The following ARB2A variants were observed in gnomAD, a reference collection of about 807,000 sequenced individuals.
ARB2A encodes the protein ARB2 cotranscriptional regulator A.
chr5:94,066,155 C>G, the ARB2A span, among the ~76,000 whole-genome samples: 1 of 151,692 alleles, frequency 6.6e-6, no homozygotes, highest in Non-Finnish European at 1.5e-5. Flanking sequence ...AAATGAAAAC[C>G]AAACACGACA....
chr5:93,986,440 TG>T, the ARB2A span, among the ~76,000 whole-genome samples: 4 of 126,612 alleles, frequency 3.2e-5, no homozygotes, highest in East Asian at 2.5e-4. Context: ...ATCTGGGGGG[TG>T]GGGGGGCCCC....
the ARB2A span, among the ~76,000 whole-genome samples, chr5:94,033,182 C>T: frequency 6.6e-6 from 1 of 152,182 alleles, no homozygotes; most frequent in Non-Finnish European, 1.5e-5. Flanking sequence ...CCTTCCTTTA[C>T]AAATTACCCA....
chr5:93,715,309 A>G, the ARB2A span, among the ~76,000 whole-genome samples: 2 of 152,198 alleles, frequency 1.3e-5, no homozygotes, highest in African/African-American at 4.8e-5. Flanking sequence ...AAGCACCTTT[A>G]AGACTCTTTA....
At chr5:93,904,298 T>C in the ARB2A span, among the ~76,000 whole-genome samples, 1 of 151,920 alleles carries the variant, frequency 6.6e-6, no homozygotes, top group African/African-American at 2.4e-5. Flanking sequence ...CAGCTGACTA[T>C]ACCTGATATC....
At chr5:93,807,597 A>G in the ARB2A span, among the ~76,000 whole-genome samples, 1 of 151,976 alleles carries the variant, frequency 6.6e-6, no homozygotes, top group Non-Finnish European at 1.5e-5. Flanking sequence ...AGTAAAGACA[A>G]GTGGTAACCT....
chr5:94,013,366 C>T, the ARB2A span, among the ~76,000 whole-genome samples: 172 of 151,958 alleles, frequency 1.1e-3, no homozygotes, highest in African/African-American at 3.9e-3. Flanking sequence ...TTAGTAGAGA[C>T]GGAGTTTCAC....
the ARB2A span, among the ~76,000 whole-genome samples, chr5:94,060,719 C>G: frequency 6.6e-6 from 1 of 152,006 alleles, no homozygotes; most frequent in Non-Finnish European, 1.5e-5. Context: ...AAAAGAACAC[C>G]CCAGTTCAAT....
At chr5:93,685,206 C>T in the ARB2A span, among the ~76,000 whole-genome samples, 752 of 152,268 alleles carry the variant, frequency 4.9e-3, 6 homozygotes, top group African/African-American at 0.017. Flanking sequence ...TTGAGCTTCA[C>T]TCTGCAAAGA....
chr5:93,660,414 G>A, the ARB2A span, among the ~76,000 whole-genome samples: 7 of 152,058 alleles, frequency 4.6e-5, no homozygotes, highest in African/African-American at 1.7e-4. Flanking sequence ...TAGTGGGGAC[G>A]TCTTTATGAA....
At chr5:94,056,994 G>A in the ARB2A span, among the ~76,000 whole-genome samples, 4 of 152,148 alleles carry the variant, frequency 2.6e-5, no homozygotes, top group South Asian at 2.1e-4. Flanking sequence ...GAGCAACAAC[G>A]CTGAGTAAAG....
the ARB2A span, among the ~76,000 whole-genome samples, chr5:94,081,600 C>A: frequency 5.9e-4 from 90 of 152,076 alleles, no homozygotes; most frequent in African/African-American, 2.1e-3. Flanking sequence ...CCAAAAAAAA[C>A]CACACATATT....
At chr5:94,034,281 T>G in the ARB2A span, among the ~76,000 whole-genome samples, 1 of 152,230 alleles carries the variant, frequency 6.6e-6, no homozygotes, top group Non-Finnish European at 1.5e-5. Context: ...ACAGCTGTAC[T>G]TAGGCTCGTG....
the ARB2A span, among the ~76,000 whole-genome samples, chr5:94,064,050 A>C: frequency 6.6e-6 from 1 of 152,168 alleles, no homozygotes; most frequent in Non-Finnish European, 1.5e-5. Flanking sequence ...ATTATTTTAA[A>C]GAAGCTCAGT....
At chr5:93,890,947 G>T in the ARB2A span, among the ~76,000 whole-genome samples, 1 of 152,020 alleles carries the variant, frequency 6.6e-6, no homozygotes, top group Non-Finnish European at 1.5e-5. Context: ...GCCTGACAAC[G>T]CTTACTGGAA....
At chr5:93,919,779 GA>G in the ARB2A span, among the ~76,000 whole-genome samples, 1 of 152,108 alleles carries the variant, frequency 6.6e-6, no homozygotes, top group Admixed American at 6.6e-5. Context: ...AAGCAAGTGG[GA>G]GGGGGAAAGT....
At chr5:93,936,582 T>C in the ARB2A span, among the ~76,000 whole-genome samples, 6 of 152,204 alleles carry the variant, frequency 3.9e-5, no homozygotes, top group Non-Finnish European at 7.4e-5. Context: ...TAATGTTATT[T>C]GGAAGTAAAC....
the ARB2A span, among the ~76,000 whole-genome samples, chr5:93,998,118 C>T: frequency 1.3e-5 from 2 of 151,830 alleles, no homozygotes; most frequent in East Asian, 3.9e-4. Context: ...AAGGAACTGA[C>T]AAATTCATGA....
At chr5:94,075,381 C>T in the ARB2A span, among the ~76,000 whole-genome samples, 4 of 152,162 alleles carry the variant, frequency 2.6e-5, no homozygotes, top group East Asian at 1.9e-4. Context: ...AACAACCATA[C>T]TATAAAATCA....
At chr5:93,761,444 G>A in the ARB2A span, among the ~76,000 whole-genome samples, 1 of 152,228 alleles carries the variant, frequency 6.6e-6, no homozygotes, top group Non-Finnish European at 1.5e-5. Context: ...TACGCCCATG[G>A]AGCCTCGCTC....
Sources: allele counts gnomAD v4.1 joint callset (sites outside exome capture counted in the v4.1 genomes callset), GRCh38; gene constraint gnomAD v4.1.1; transcripts MANE v1.5; gene names NCBI Gene and HGNC (gene_info 2026-07-23, HGNC 2026-07-21).